The following ZNRF1 variants were observed in gnomAD, a reference collection of about 807,000 sequenced individuals.
ZNRF1 encodes the protein zinc and ring finger 1, also known as E3 ubiquitin-protein ligase ZNRF1.
ZNRF1 carries 3 observed loss-of-function variants against 18.4 expected under a neutral mutation model. That is an observed-to-expected ratio of 0.16 (90% CI 0.07 to 0.42). The LOEUF is 0.42. Ranked by LOEUF, ZNRF1 falls within the 10% of genes least tolerant of loss-of-function variation. ZNRF1 has a pLI of 0.99. For synonymous variants in ZNRF1, 157 were observed against 144.2 expected (o/e 1.09, Z -0.64); for missense variants, 310 against 329.8 (o/e 0.94, Z 0.47).
intron 1 of ZNRF1, among the ~76,000 whole-genome samples, chr16:75,025,788 A>T (rs527316854): frequency 6.8e-6 from 1 of 146,090 alleles, no homozygotes; most frequent in African/African-American, 2.5e-5. Context: ...TGATGGGATG[A>T]TTGCTTCTGC....
At chr16:75,091,608 C>T (rs936004079) in intron 1 of ZNRF1, among the ~76,000 whole-genome samples, 2 of 150,542 alleles carry the variant, frequency 1.3e-5, no homozygotes, top group African/African-American at 2.4e-5. Flanking sequence ...ACATGGCTCA[C>T]TGCAGCTTTG....
At chr16:75,011,573 T>C (rs1333345593) in intron 1 of ZNRF1, among the ~76,000 whole-genome samples, 1 of 152,174 alleles carries the variant, frequency 6.6e-6, no homozygotes, top group Non-Finnish European at 1.5e-5. Context: ...CTATAACAAG[T>C]GTTCCTAAAT....
intron 1 of ZNRF1, among the ~76,000 whole-genome samples, chr16:75,010,720 T>TTTTG (rs1555509240): frequency 5.4e-5 from 2 of 36,788 alleles, no homozygotes; most frequent in South Asian, 8.9e-4. Flanking sequence ...TGTTTTTTTG[T>TTTTG]TTTTTTTTTT....
intron 2 of ZNRF1, among the ~76,000 whole-genome samples, chr16:75,103,510 CG>C (rs568821651): frequency 6.6e-6 from 1 of 151,478 alleles, no homozygotes; most frequent in African/African-American, 2.4e-5. Flanking sequence ...AGGGGCTGGG[CG>C]GGGGGAAGGG....
Position 74,999,731 on chromosome 16 carries a change from C to G in ZNRF1, c.60C>G (p.Thr20=). The G allele has an allele frequency of 1.2e-5, 16 of 1,387,078 alleles. No individual in the cohort carries two copies. Among genetic ancestry groups the G allele is most frequent in the Non-Finnish European group, 1.5e-5 (16 of 1,077,244 alleles). The allele number at this position is 1,387,078 out of a possible 1,614,324, so 85.9% of individuals were successfully genotyped here. The change falls in exon 1 of 5, where the codon ACC becomes ACG. Residue 20 remains threonine, a synonymous_variant. Transcript: ENST00000335325. ...RSRGPFPGVS[T]DDSAVPPPGG... ...GGGGCCCCTTCCCGGGGGTCTCCAC[C>G]GATGACAGCGCCGTGCCGCCGCCGG... is the stretch of plus-strand genomic sequence containing the variant.
chr16:75,007,750 C>T (rs980368060), intron 1 of ZNRF1, among the ~76,000 whole-genome samples: 1 of 152,144 alleles, frequency 6.6e-6, no homozygotes, highest in African/African-American at 2.4e-5. Context: ...AACAAGAAGA[C>T]CTTCTACATC....
At chr16:75,050,284 G>T (rs543202694) in intron 1 of ZNRF1, among the ~76,000 whole-genome samples, 1 of 152,274 alleles carries the variant, frequency 6.6e-6, no homozygotes, top group East Asian at 1.9e-4. Context: ...CCGGCACTTG[G>T]TGAGGTCGAG....
intron 2 of ZNRF1, among the ~76,000 whole-genome samples, chr16:75,097,382 C>A (rs1274196025): frequency 6.6e-6 from 1 of 152,026 alleles, no homozygotes; most frequent in Non-Finnish European, 1.5e-5. Flanking sequence ...GCCAGCAGCA[C>A]CAAGGAGAGC....
intron 1 of ZNRF1, among the ~76,000 whole-genome samples, chr16:75,021,491 A>G (rs1686870160): frequency 6.6e-6 from 1 of 152,162 alleles, no homozygotes; most frequent in Admixed American, 6.5e-5. Context: ...TCCTTCTTCC[A>G]GAGGTAGGCT....
intron 2 of ZNRF1, among the ~76,000 whole-genome samples, chr16:75,101,521 G>C (rs1283882820): frequency 6.6e-6 from 1 of 152,038 alleles, no homozygotes; most frequent in African/African-American, 2.4e-5. Context: ...ACTCCATCCT[G>C]GCGATAGAGC....
At chr16:75,042,645 T>G (rs1326930869) in intron 1 of ZNRF1, among the ~76,000 whole-genome samples, 2 of 152,168 alleles carry the variant, frequency 1.3e-5, no homozygotes, top group African/African-American at 4.8e-5. Context: ...TATGATAAGT[T>G]TTGAAATTGG....
At chr16:75,082,353 T>C (rs2036022301) in intron 1 of ZNRF1, among the ~76,000 whole-genome samples, 1 of 152,186 alleles carries the variant, frequency 6.6e-6, no homozygotes, top group Non-Finnish European at 1.5e-5. Context: ...CTCCTGTTCC[T>C]GGTAGATGCT....
At chr16:75,071,860 G>A (rs924074297) in intron 1 of ZNRF1, among the ~76,000 whole-genome samples, 3 of 152,154 alleles carry the variant, frequency 2.0e-5, no homozygotes, top group African/African-American at 7.2e-5. Flanking sequence ...TGCACATGAT[G>A]CCCCCTCGAC....
At chr16:75,051,532 G>GGGT (rs2035605214) in intron 1 of ZNRF1, among the ~76,000 whole-genome samples, 2 of 144,272 alleles carry the variant, frequency 1.4e-5, no homozygotes, top group Admixed American at 6.9e-5. Context: ...TTTTTTTTTT[G>GGGT]GGGGGGACGG....
chr16:75,003,818 G>A (rs913677109), intron 1 of ZNRF1, among the ~76,000 whole-genome samples: 7 of 152,136 alleles, frequency 4.6e-5, no homozygotes, highest in South Asian at 2.1e-4. Flanking sequence ...TGTAGAAGAC[G>A]CCTGTCCTGC....
At chr16:75,003,932 A>G (rs1431696632) in intron 1 of ZNRF1, among the ~76,000 whole-genome samples, 1 of 151,538 alleles carries the variant, frequency 6.6e-6, no homozygotes, top group Non-Finnish European at 1.5e-5. Context: ...GCACTCTCTT[A>G]TAGTTGTCTG....
intron 1 of ZNRF1, among the ~76,000 whole-genome samples, chr16:75,082,418 T>G (rs1206310350): frequency 6.6e-6 from 1 of 152,226 alleles, no homozygotes; most frequent in Non-Finnish European, 1.5e-5. Context: ...CCTGGCAGGC[T>G]GCAGGCTGGA....
intron 1 of ZNRF1, among the ~76,000 whole-genome samples, chr16:75,058,899 C>G (rs950840264): frequency 2.6e-5 from 4 of 152,156 alleles, no homozygotes; most frequent in African/African-American, 9.7e-5. Flanking sequence ...TTGTGTTTTC[C>G]TTGGACTGTT....
At position 75,107,724 on chromosome 16, in the gene ZNRF1, T is replaced by C. The variant is rs2036335346; in HGVS notation, c.*33-9T>C. ...ATGGAGCACGACTTATTTATTACGG[T>C]CCACACAGGGACAGAGCGCCCCTGC... On this transcript the variant is annotated splice_polypyrimidine_tract_variant and intron_variant, in intron 4 of 4. Transcript: ENST00000335325. 1 of 456,164 alleles carries C rather than the reference T, an allele frequency of 2.2e-6. No individual in the cohort carries two copies. The highest frequency in any genetic ancestry group is 4.4e-6 in the Non-Finnish European group (1 of 226,778). The allele number at this position is 456,164 out of a possible 1,614,324, so 28.3% of individuals were successfully genotyped here. A position where few individuals can be genotyped will look rare whatever the true frequency, so the allele number is the denominator to read the frequency against.
Sources: allele counts gnomAD v4.1 joint callset (sites outside exome capture counted in the v4.1 genomes callset), GRCh38; gene constraint gnomAD v4.1.1; transcripts MANE v1.5; gene names NCBI Gene and HGNC (gene_info 2026-07-23, HGNC 2026-07-21).